ABTB2: variants seen among roughly 807,000 people sequenced by gnomAD.
ABTB2 encodes the protein ankyrin repeat and BTB/POZ domain-containing protein 2.
In ABTB2, 56 loss-of-function variants were observed where a neutral mutation model predicts 104.1. The ratio of observed to expected loss-of-function variants is 0.54; its 90% confidence interval spans 0.43 to 0.67. The LOEUF (loss-of-function observed/expected upper bound fraction) is 0.67. Among genes scored for constraint, ABTB2 ranks in the 30% least tolerant of loss-of-function variants. The pLI is 0.00. For synonymous variants in ABTB2, 606 were observed against 608.2 expected, an observed-to-expected ratio of 1.00 and a Z score of 0.05; for missense variants, 1,279 against 1,407.7, an observed-to-expected ratio of 0.91 and a Z score of 1.46.
intron 1 of ABTB2, among the ~76,000 whole-genome samples, chr11:34,269,820 C>A (rs921599976): frequency 1.3e-5 from 2 of 152,234 alleles, no homozygotes; most frequent in African/African-American, 4.8e-5. Flanking sequence ...GCTTCCACAG[C>A]CTACCATAGC....
chr11:34,273,819 G>A (rs76370770), intron 1 of ABTB2, among the ~76,000 whole-genome samples: 17,113 of 152,092 alleles, frequency 0.11, 1,159 homozygotes, highest in Admixed American at 0.21. Context: ...TGGAGGGAAG[G>A]AATAACAATA....
chr11:34,156,769 C>T (rs1426594743), intron 14 of ABTB2, among the ~76,000 whole-genome samples: 5 of 152,116 alleles, frequency 3.3e-5, no homozygotes, highest in Non-Finnish European at 5.9e-5. Context: ...GGTGATCTGC[C>T]CACCTCGGCC....
At chr11:34,240,721 T>C (rs1053918968) in intron 1 of ABTB2, among the ~76,000 whole-genome samples, 1 of 152,138 alleles carries the variant, frequency 6.6e-6, no homozygotes, top group East Asian at 1.9e-4. Flanking sequence ...GCCTCCTGAA[T>C]AGATGAGATT....
chr11:34,255,858 AT>A (rs1854116333), intron 1 of ABTB2, among the ~76,000 whole-genome samples: 1 of 152,076 alleles, frequency 6.6e-6, no homozygotes, highest in South Asian at 2.1e-4. Context: ...TACCGGTCTT[AT>A]CCGAGGAGCC....
Position 34,248,088 on chromosome 11 carries a change from A to ATTTTTTTTTTTTTTTTTTTTTTTTT in ABTB2, c.884-43399_884-43398insAAAAAAAAAAAAAAAAAAAAAAAAA, listed in dbSNP as rs377220875. The stretch of plus-strand genomic sequence containing the variant: ...CAATCATTCAATTTACTTATCTATA[A>ATTTTTTTTTTTTTTTTTTTTTTTTT]TTTTTCTTAAAAAAAAAAAAAAAAA... On this transcript the variant is annotated intron_variant, in intron 1 of 16. Coordinates refer to ENST00000435224, the MANE Select transcript of ABTB2 (RefSeq NM_145804.3). 4.2e-4 allele frequency among the ~76,000 whole-genome samples: 33 copies of ATTTTTTTTTTTTTTTTTTTTTTTTT among 78,372 alleles called. 2 individuals carry two copies. The highest frequency in any genetic ancestry group is 2.1e-3 in the African/African-American group (29 of 14,114). 51.4% of individuals were successfully genotyped at this position (78,372 alleles called of 152,430 possible). A position where few individuals can be genotyped will look rare whatever the true frequency, so the allele number is the denominator to read the frequency against.
At chr11:34,336,231 A>G (rs1855191914) in intron 1 of ABTB2, among the ~76,000 whole-genome samples, 1 of 152,200 alleles carries the variant, frequency 6.6e-6, no homozygotes, top group Non-Finnish European at 1.5e-5. Context: ...ATGTCAGCTG[A>G]GCCCATGCAC....
intron 3 of ABTB2, among the ~76,000 whole-genome samples, chr11:34,175,719 A>G (rs892531652): frequency 1.3e-5 from 2 of 152,156 alleles, no homozygotes; most frequent in African/African-American, 2.4e-5. Context: ...TATGAAGGGG[A>G]GGGCCACAGG....
At chr11:34,237,294 T>TC (rs1853857322) in intron 1 of ABTB2, among the ~76,000 whole-genome samples, 1 of 149,770 alleles carries the variant, frequency 6.7e-6, no homozygotes, top group Non-Finnish European at 1.5e-5. Flanking sequence ...TTTTTTTTTT[T>TC]TTTTTAGACC....
chr11:34,351,139 T>C (rs1855393952), intron 1 of ABTB2, among the ~76,000 whole-genome samples: 1 of 152,040 alleles, frequency 6.6e-6, no homozygotes, highest in Non-Finnish European at 1.5e-5. Flanking sequence ...CAAGTGTCTC[T>C]GGTTTGTTTC....
intron 1 of ABTB2, among the ~76,000 whole-genome samples, chr11:34,289,319 T>C (rs932838535): frequency 1.3e-4 from 20 of 152,214 alleles, no homozygotes; most frequent in African/African-American, 4.8e-4. Flanking sequence ...GCAATTAATT[T>C]CAGGAGTTCG....
At chr11:34,329,761 T>TACCA (rs1855108546) in intron 1 of ABTB2, among the ~76,000 whole-genome samples, 1 of 152,148 alleles carries the variant, frequency 6.6e-6, no homozygotes, top group Non-Finnish European at 1.5e-5. Flanking sequence ...GTCCCAAAGG[T>TACCA]ACCAGTGAAC....
intron 1 of ABTB2, among the ~76,000 whole-genome samples, chr11:34,293,152 G>C (rs962610161): frequency 4.6e-5 from 7 of 152,140 alleles, no homozygotes; most frequent in African/African-American, 1.7e-4. Context: ...TGGTGTGTGA[G>C]AAAGAAGAAT....
At chr11:34,340,472 T>C (rs540792672) in intron 1 of ABTB2, among the ~76,000 whole-genome samples, 95 of 152,342 alleles carry the variant, frequency 6.2e-4, no homozygotes, top group African/African-American at 2.3e-3. Flanking sequence ...ATTAGCTATA[T>C]GATCTAGCCA....
At chr11:34,335,723 G>A (rs1471351911) in intron 1 of ABTB2, 1 of 1,394,696 alleles carries the variant, frequency 7.2e-7, no homozygotes, top group Non-Finnish European at 1.0e-6. Context: ...GTTTTATAAA[G>A]CAGGCTTTTC....
At chr11:34,231,722 C>T (rs11032569) in intron 1 of ABTB2, among the ~76,000 whole-genome samples, 41,319 of 152,062 alleles carry the variant, frequency 0.27, 6,034 homozygotes, top group Non-Finnish European at 0.34. Flanking sequence ...AGGCGCATGC[C>T]ACCATGCCCA....
At chr11:34,234,939 G>A (rs1853821440) in intron 1 of ABTB2, among the ~76,000 whole-genome samples, 2 of 152,156 alleles carry the variant, frequency 1.3e-5, no homozygotes, top group Non-Finnish European at 2.9e-5. Flanking sequence ...CTCACTGCAA[G>A]CTCTGCCTCC....
intron 3 of ABTB2, among the ~76,000 whole-genome samples, chr11:34,174,770 G>A (rs1157177737): frequency 3.9e-5 from 6 of 152,162 alleles, no homozygotes; most frequent in Non-Finnish European, 7.3e-5. Context: ...CAGAATGGAC[G>A]GAGCTCTTTC....
chr11:34,333,715 C>T (rs748457159), intron 1 of ABTB2, among the ~76,000 whole-genome samples: 1 of 152,148 alleles, frequency 6.6e-6, no homozygotes, highest in Non-Finnish European at 1.5e-5. Context: ...GAGATTGTGT[C>T]ACTGCACTCC....
intron 1 of ABTB2, among the ~76,000 whole-genome samples, chr11:34,334,577 C>T (rs1395339009): frequency 1.3e-5 from 2 of 152,132 alleles, no homozygotes; most frequent in Admixed American, 6.6e-5. Flanking sequence ...ACTCAACTCC[C>T]AAACAAAAGC....
Sources: gnomAD v4.1 joint callset for allele counts (sites outside exome capture counted in the v4.1 genomes callset) on GRCh38, gnomAD v4.1.1 for gene constraint, MANE v1.5 for transcripts, NCBI Gene and HGNC (gene_info 2026-07-23, HGNC 2026-07-21) for gene names.